The following BNC2 variants were observed in gnomAD, a reference collection of about 807,000 sequenced individuals.
The protein encoded by BNC2 is zinc finger protein basonuclin-2.
A neutral mutation model predicts 76.3 loss-of-function variants in BNC2; 20 were observed. The ratio of observed to expected loss-of-function variants is 0.26; its 90% CI spans 0.18 to 0.38. The LOEUF is 0.38. Among genes scored for constraint, BNC2 ranks in the 10% least tolerant of loss-of-function variants. The pLI is 1.00. For missense variants in BNC2, 1,382 were observed against 1,399.8 expected, an observed-to-expected ratio of 0.99 and a Z score of 0.20; for synonymous variants, 582 against 514.8, an observed-to-expected ratio of 1.13 and a Z score of -1.77.
intron 3 of BNC2, among the ~76,000 whole-genome samples, chr9:16,703,263 C>T: frequency 6.6e-6 from 1 of 152,174 alleles, no homozygotes; most frequent in South Asian, 2.1e-4. Flanking sequence ...AGATTTTTCT[C>T]CTAAATTTGG....
chr9:16,553,003 A>G (rs2132543459), intron 4 of BNC2, among the ~76,000 whole-genome samples: 1 of 152,250 alleles, frequency 6.6e-6, no homozygotes, highest in East Asian at 1.9e-4. Context: ...TGCAGGCAAC[A>G]ACAAATAGAA....
intron 4 of BNC2, among the ~76,000 whole-genome samples, chr9:16,577,488 G>A (rs1376053958): frequency 6.6e-6 from 1 of 152,054 alleles, no homozygotes; most frequent in Non-Finnish European, 1.5e-5. Flanking sequence ...CATTTCCGTG[G>A]AAGAACTGAA....
intron 6 of BNC2, chr9:16,429,717 A>G (rs1281402209): frequency 9.6e-6 from 3 of 311,548 alleles, no homozygotes; most frequent in Non-Finnish European, 1.9e-5. Flanking sequence ...ACTCTCATCA[A>G]TAGAAATTTG....
Position 16,456,121 on chromosome 9 carries a change from T to A in BNC2, c.670-18597A>T, listed in dbSNP as rs141490585. ...GGTACTATTACATGACAACTACCTA[T>A]CAAGGACTTAATGCCAGTTTAACAT... On this transcript the variant is annotated intron_variant, in intron 5 of 6. Transcript: ENST00000380672. Among the ~76,000 whole-genome samples, 162 of 152,266 alleles carry A rather than the reference T, an allele frequency of 1.1e-3. 2 individuals carry two copies. The Middle Eastern group carries it at 0.02, about 19-fold the overall frequency.
At position 16,697,591 on chromosome 9, in the gene BNC2, C is replaced by T. The variant is rs1044294171; in HGVS notation, c.330+30206G>A. Among the ~76,000 whole-genome samples the T allele has an allele frequency of 1.3e-4, 12 of 94,512 alleles. No homozygotes were observed. In the South Asian group the frequency reaches 1.9e-3, roughly 15 times the overall value. 62.0% of individuals were successfully genotyped at this position (94,512 alleles called of 152,430 possible). On this transcript the variant is annotated intron_variant, in intron 3 of 6. Coordinates refer to ENST00000380672, the MANE Select transcript of BNC2 (RefSeq NM_017637.6). Reference sequence around the variant, plus strand: ...TTTTAAAAGGCTGGGTATGGTGGCACATGCCTGTAATCCCAGCTAGTTGGG... The same window carrying T: ...TTTTAAAAGGCTGGGTATGGTGGCATATGCCTGTAATCCCAGCTAGTTGGG...
intron 5 of BNC2, among the ~76,000 whole-genome samples, chr9:16,501,572 T>A (rs965973661): frequency 2.9e-4 from 44 of 152,186 alleles, no homozygotes; most frequent in African/African-American, 1.1e-3. Context: ...TTGCAGAGCC[T>A]AATACATGCT....
chr9:16,610,668 T>C (rs1158750681), intron 3 of BNC2, among the ~76,000 whole-genome samples: 1 of 152,166 alleles, frequency 6.6e-6, no homozygotes, highest in Non-Finnish European at 1.5e-5. Context: ...TTCTCATACA[T>C]GGTATTTCAC....
intron 1 of BNC2, among the ~76,000 whole-genome samples, chr9:16,750,078 C>T: frequency 6.6e-6 from 1 of 152,106 alleles, no homozygotes; most frequent in Non-Finnish European, 1.5e-5. Flanking sequence ...GCATGAGGAC[C>T]TAAACTAGGT....
chr9:16,650,084 G>A (rs1821749949), intron 3 of BNC2, among the ~76,000 whole-genome samples: 1 of 152,156 alleles, frequency 6.6e-6, no homozygotes, highest in Admixed American at 6.5e-5. Flanking sequence ...GACCAAGAAA[G>A]CAAAAATGGA....
At chr9:16,457,344 G>A (rs1291941481) in intron 5 of BNC2, among the ~76,000 whole-genome samples, 3 of 152,106 alleles carry the variant, frequency 2.0e-5, no homozygotes, top group African/African-American at 7.2e-5. Context: ...TGGGGGTCCA[G>A]GTCCCTAAGA....
intron 6 of BNC2, chr9:16,421,340 A>T (rs1417710264): frequency 8.5e-7 from 1 of 1,171,318 alleles, no homozygotes; most frequent in Non-Finnish European, 1.1e-6. Flanking sequence ...ACAGAGAGAG[A>T]GAAAGAAAGA....
intron 3 of BNC2, among the ~76,000 whole-genome samples, chr9:16,722,470 T>C (rs1205523592): frequency 6.6e-6 from 1 of 152,196 alleles, no homozygotes; most frequent in Non-Finnish European, 1.5e-5. Context: ...TAAATATAAT[T>C]ATAAAAAATA....
At chr9:16,428,864 C>G (rs1820851612) in intron 6 of BNC2, among the ~76,000 whole-genome samples, 1 of 152,148 alleles carries the variant, frequency 6.6e-6, no homozygotes. Flanking sequence ...ATTCAAGCAG[C>G]TTGCATTAGG....
chr9:16,581,802 G>C (rs1376226328), intron 4 of BNC2, among the ~76,000 whole-genome samples: 2 of 152,196 alleles, frequency 1.3e-5, no homozygotes, highest in Non-Finnish European at 2.9e-5. Flanking sequence ...ACCTGTTGCT[G>C]ATTTGGGCCT....
chr9:16,750,564 C>T (rs1297490814), intron 1 of BNC2, among the ~76,000 whole-genome samples: 3 of 152,206 alleles, frequency 2.0e-5, no homozygotes, highest in Non-Finnish European at 2.9e-5. Context: ...CCTGGCATAC[C>T]CAATGAGCAA....
intron 5 of BNC2, among the ~76,000 whole-genome samples, chr9:16,469,190 A>C (rs1252110261): frequency 3.6e-5 from 4 of 110,204 alleles, no homozygotes; most frequent in African/African-American, 1.6e-4. Flanking sequence ...GCAGCTCAGA[A>C]AAAGTGAACA....
chr9:16,632,176 G>C (rs919456463), intron 3 of BNC2, among the ~76,000 whole-genome samples: 5 of 152,082 alleles, frequency 3.3e-5, no homozygotes, highest in African/African-American at 1.2e-4. Flanking sequence ...TCTTGCATAT[G>C]ATGGTAGGAA....
At chr9:16,540,812 G>A (rs1818297403) in intron 5 of BNC2, among the ~76,000 whole-genome samples, 1 of 152,132 alleles carries the variant, frequency 6.6e-6, no homozygotes. Context: ...TATTGCTCAG[G>A]ACAGACACTA....
At chr9:16,502,679 T>A (rs1432367593) in intron 5 of BNC2, among the ~76,000 whole-genome samples, 1 of 152,142 alleles carries the variant, frequency 6.6e-6, no homozygotes, top group African/African-American at 2.4e-5. Context: ...CAGAATCATG[T>A]AGGAAAGCTA....
Sources: gnomAD v4.1 joint callset for allele counts (sites outside exome capture counted in the v4.1 genomes callset) on GRCh38, gnomAD v4.1.1 for gene constraint, MANE v1.5 for transcripts, NCBI Gene and HGNC (gene_info 2026-07-23, HGNC 2026-07-21) for gene names.